Variants in SLC9A2 observed in about 807,000 individuals in gnomAD.
SLC9A2 encodes sodium/hydrogen exchanger 2.
SLC9A2 carries 42 observed loss-of-function variants against 71.7 expected under a neutral mutation model. The observed-to-expected ratio is 0.59, with a 90% CI of 0.46 to 0.76. The LOEUF (loss-of-function observed/expected upper bound fraction) is 0.76. SLC9A2 is among the 30% of genes least tolerant of loss of function. SLC9A2 has a pLI of 0.00. For synonymous variants in SLC9A2, 396 were observed against 392.5 expected (o/e 1.01, Z -0.10); for missense variants, 829 against 1,017.4 (o/e 0.81, Z 2.52).
At chr2:102,672,834 G>T (rs1276257273) in intron 3 of SLC9A2, among the ~76,000 whole-genome samples, 1 of 152,026 alleles carries the variant, frequency 6.6e-6, no homozygotes, top group Admixed American at 6.6e-5. Context: ...TTATACAATA[G>T]TCAGTATTCA....
At chr2:102,694,292 G>A (rs937779360) in intron 5 of SLC9A2, 122 bp from the exon 6 acceptor site, 12 of 269,718 alleles carry the variant, frequency 4.4e-5, no homozygotes, top group Non-Finnish European at 7.8e-5. Context: ...CAAAGCTTAG[G>A]AGAAGTTACC....
At chr2:102,626,135 C>A (rs887221648) in intron 1 of SLC9A2, among the ~76,000 whole-genome samples, 33 of 152,144 alleles carry the variant, frequency 2.2e-4, no homozygotes, top group Non-Finnish European at 1.5e-4. Context: ...ACCAAAGGAA[C>A]AAAGCTGGAG....
chr2:102,651,948 T>C (rs1027547511), intron 1 of SLC9A2, among the ~76,000 whole-genome samples: 3 of 152,154 alleles, frequency 2.0e-5, no homozygotes, highest in Non-Finnish European at 4.4e-5. Context: ...TTGTTGTTGT[T>C]GTTGTTGTTA....
chr2:102,667,660 T>A (rs1018344313), intron 3 of SLC9A2, among the ~76,000 whole-genome samples: 2 of 152,198 alleles, frequency 1.3e-5, no homozygotes, highest in African/African-American at 4.8e-5. Context: ...CACATATTCC[T>A]GATAAATAGC....
In SLC9A2 at chr2:102,619,954, T is replaced by A; in HGVS notation, c.106T>A (p.Leu36Met). The A allele has an allele frequency of 3.1e-6, 5 of 1,612,094 alleles. 1 individual carries two copies. In the South Asian group the frequency reaches 5.5e-5, roughly 18 times the overall value. Residue 36 changes from leucine (L) to methionine (M), a missense_variant, in exon 1 of 12, where the codon TTG (leucine) becomes ATG (methionine). Leu to Met is a conservative substitution (Grantham distance 15). This residue lies in a region of SLC9A2 where 106 missense variants were observed against 93.5 expected (regional missense o/e 1.13). Coordinates refer to ENST00000233969, the MANE Select transcript of SLC9A2 (RefSeq NM_003048.6). The surrounding 1 kb of genome is among the most constrained non-coding windows in gnomAD (Gnocchi z 4.3). ...GCCCGTGGGCGCCCTGGCGGAGACC[T>A]TGCTGAACGCGCCGAGGGCCATGGG... ...AGPVGALAET[L>M]LNAPRAMGTS...
At chr2:102,700,356 C>A (rs1403660233) in intron 7 of SLC9A2, among the ~76,000 whole-genome samples, 2 of 151,882 alleles carry the variant, frequency 1.3e-5, no homozygotes, top group Non-Finnish European at 2.9e-5. Flanking sequence ...GAGTGAGTGG[C>A]GGTATGAAAG....
rs537799934 is a variant in SLC9A2, at chr2:102,645,507, G to A, written c.290-12057G>A. Among the ~76,000 whole-genome samples the A allele has an allele frequency of 1.6e-3, 239 of 152,142 alleles. 1 individual carries two copies. The highest frequency in any genetic ancestry group is 5.2e-3 in the African/African-American group (214 of 41,530). On this transcript the variant is annotated intron_variant, in intron 1 of 11. Transcript: ENST00000233969. ...GGTAGGTAATAACAAACTCCTCTGA[G>A]CTAAAGGAGCATGTTCTAACCCAAT...
intron 1 of SLC9A2, among the ~76,000 whole-genome samples, chr2:102,646,958 A>G (rs1676737143): frequency 6.6e-6 from 1 of 152,174 alleles, no homozygotes; most frequent in Non-Finnish European, 1.5e-5. Context: ...CTCTGGGCAA[A>G]GCAGACCTAA....
intron 10 of SLC9A2, among the ~76,000 whole-genome samples, chr2:102,705,384 C>T (rs913435455): frequency 5.9e-5 from 9 of 151,688 alleles, no homozygotes; most frequent in Non-Finnish European, 1.0e-4. Context: ...AAAACACTAG[C>T]GACTGCGGTA....
rs1676368965 is a variant in SLC9A2 at position 102,632,037 on chromosome 2, TACATACAC to T, written c.289+11904_289+11911del. On this transcript the variant is annotated intron_variant, in intron 1 of 11. Transcript: ENST00000233969. ...ATATATATATATATATATATATATA[TACATACAC>T]ACACACATATATATACACACACATA... 1.2e-4 allele frequency among the ~76,000 whole-genome samples: 7 copies of T among 60,842 alleles called. 1 individual carries two copies. The highest frequency in any genetic ancestry group is 4.4e-4 in the African/African-American group (7 of 15,764). 39.9% of individuals were successfully genotyped at this position (60,842 alleles called of 152,430 possible). A position where few individuals can be genotyped will look rare whatever the true frequency, so the allele number is the denominator to read the frequency against.
intron 3 of SLC9A2, among the ~76,000 whole-genome samples, chr2:102,671,077 T>C (rs1677241779): frequency 6.6e-6 from 1 of 152,150 alleles, no homozygotes; most frequent in South Asian, 2.1e-4. Flanking sequence ...GTTTATAAAA[T>C]GCTTTCAAAC....
At chr2:102,632,140 A>ACACATT (rs1558701568) in intron 1 of SLC9A2, among the ~76,000 whole-genome samples, 1 of 91,804 alleles carries the variant, frequency 1.1e-5, no homozygotes, top group African/African-American at 4.3e-5. Flanking sequence ...ATATATATGT[A>ACACATT]TATATACATA....
At chr2:102,650,732 A>T (rs1385110877) in intron 1 of SLC9A2, among the ~76,000 whole-genome samples, 2 of 152,188 alleles carry the variant, frequency 1.3e-5, no homozygotes, top group African/African-American at 4.8e-5. Context: ...TCATTGTGTG[A>T]ATTTACTATT....
At chr2:102,621,211 A>G (rs1211440333) in intron 1 of SLC9A2, among the ~76,000 whole-genome samples, 1 of 151,672 alleles carries the variant, frequency 6.6e-6, no homozygotes, top group Admixed American at 6.6e-5. Context: ...TGGTGCACAT[A>G]TGTATTCCCA....
intron 5 of SLC9A2, among the ~76,000 whole-genome samples, chr2:102,690,968 CAAAAAAA>C (rs57709703): frequency 4.6e-5 from 6 of 131,244 alleles, no homozygotes; most frequent in African/African-American, 1.4e-4. Flanking sequence ...TCATTTTCTT[CAAAAAAA>C]AAAAAAAAAA....
chr2:102,644,846 G>C (rs191784561), intron 1 of SLC9A2, among the ~76,000 whole-genome samples: 1 of 152,196 alleles, frequency 6.6e-6, no homozygotes, highest in Non-Finnish European at 1.5e-5. Flanking sequence ...CAGAGCACCC[G>C]CGAGAAGGGG....
chr2:102,701,008 AAAC>A (rs1312151212), intron 7 of SLC9A2, 59 bp from the exon 8 acceptor site: 7 of 1,249,930 alleles, frequency 5.6e-6, no homozygotes, highest in African/African-American at 3.0e-5. Context: ...TCATTGGTAA[AAAC>A]AACAACTATT....
Position 102,710,162 on chromosome 2 carries a change from G to T in SLC9A2, c.*1673G>T, listed in dbSNP as rs1161159268. On this transcript the variant is annotated 3_prime_UTR_variant, in exon 12 of 12. Coordinates refer to ENST00000233969, the MANE Select transcript of SLC9A2 (RefSeq NM_003048.6). Reference sequence around the variant, plus strand: ...TCCTTGATTCAGGGAAAGTAGCACAGAATGCAATTTGAAAACTACAGGCTT... The same window carrying T: ...TCCTTGATTCAGGGAAAGTAGCACATAATGCAATTTGAAAACTACAGGCTT... 1 of 152,752 alleles carries T rather than the reference G, an allele frequency of 6.5e-6. No homozygotes were observed. The highest frequency in any genetic ancestry group is 1.5e-5 in the Non-Finnish European group (1 of 68,036). 9.5% of individuals were successfully genotyped at this position (152,752 alleles called of 1,614,324 possible). A position where few individuals can be genotyped will look rare whatever the true frequency, so the allele number is the denominator to read the frequency against.
rs1397008764 is a variant in SLC9A2, at chr2:102,711,204, C to T, written c.*2715C>T. ...GCACGTTTTGCATTTATTGTACTGCCCAAATTGTTTTTATGTTAAAAGTCA... is the reference window on the plus strand; with the variant it reads ...GCACGTTTTGCATTTATTGTACTGCTCAAATTGTTTTTATGTTAAAAGTCA... On this transcript the variant is annotated 3_prime_UTR_variant, in exon 12 of 12. Coordinates refer to ENST00000233969, the MANE Select transcript of SLC9A2 (RefSeq NM_003048.6). 6.6e-6 allele frequency: 1 copy of T among 152,172 alleles called. No homozygotes were observed. The highest frequency in any genetic ancestry group is 1.5e-5 in the Non-Finnish European group (1 of 68,020). 9.4% of individuals were successfully genotyped at this position (152,172 alleles called of 1,614,324 possible).
Sources: allele counts gnomAD v4.1 joint callset (sites outside exome capture counted in the v4.1 genomes callset), GRCh38; gene constraint gnomAD v4.1.1; regional missense constraint gnomAD v4.1.1; non-coding constraint Gnocchi (gnomAD v3.1); transcripts MANE v1.5; gene names NCBI Gene and HGNC (gene_info 2026-07-23, HGNC 2026-07-21).